FGF14: variants seen among roughly 807,000 people sequenced by gnomAD.
FGF14 encodes fibroblast growth factor 14.
FGF14 carries 5 observed loss-of-function variants against 25.5 expected under a neutral mutation model. The ratio of observed to expected loss-of-function variants is 0.20; its 90% CI spans 0.10 to 0.41. FGF14 has a LOEUF of 0.41. Ranked by LOEUF, FGF14 falls within the 10% of genes least tolerant of loss-of-function variation. The pLI is 1.00. For missense variants in FGF14, 222 were observed against 320.1 expected (o/e 0.69, Z 2.34); for synonymous variants, 138 against 118.3 (o/e 1.17, Z -1.08).
At chr13:101,931,856 A>T (rs530361479) in intron 1 of FGF14, among the ~76,000 whole-genome samples, 4 of 152,298 alleles carry the variant, frequency 2.6e-5, no homozygotes, top group African/African-American at 7.2e-5. Flanking sequence ...CTTCTTCACC[A>T]CATTTCCTAT....
intron 1 of FGF14, among the ~76,000 whole-genome samples, chr13:102,050,235 A>C (rs1252290490): frequency 1.3e-5 from 2 of 152,228 alleles, no homozygotes; most frequent in Non-Finnish European, 2.9e-5. Flanking sequence ...CTGTATCAGG[A>C]CACAGTATAG....
chr13:101,903,446 C>T (rs1191839304), intron 1 of FGF14, among the ~76,000 whole-genome samples: 1 of 152,046 alleles, frequency 6.6e-6, no homozygotes, highest in East Asian at 1.9e-4. Context: ...AATAATGAGA[C>T]TTGTTAAGAT....
rs192113086 is a variant in FGF14, at chr13:102,392,090, A to C, written c.208+9381T>G. Among the ~76,000 whole-genome samples, 38 of 152,372 alleles carry C rather than the reference A, an allele frequency of 2.5e-4. No individual in the cohort carries two copies. In the East Asian group the frequency reaches 6.4e-3, roughly 26 times the overall value. On this transcript the variant is annotated intron_variant, in intron 1 of 4. Coordinates refer to the FGF14 transcript ENST00000376131. ...ACAATCCCTCCCAAGCTACACCTTT[A>C]AGATGCAGCATTACAGATAAGGTTA... is the stretch of plus-strand genomic sequence containing the variant.
chr13:102,229,210 A>C (rs2050965774), intron 1 of FGF14, among the ~76,000 whole-genome samples: 1 of 152,174 alleles, frequency 6.6e-6, no homozygotes, highest in Non-Finnish European at 1.5e-5. Context: ...AGACTCCAAA[A>C]TCTTACATGA....
chr13:102,279,719 A>T (rs1357960068), intron 1 of FGF14, among the ~76,000 whole-genome samples: 2 of 150,564 alleles, frequency 1.3e-5, no homozygotes. Flanking sequence ...AAAGTAAGTT[A>T]AAAAAAAATT....
At chr13:102,362,376 A>T (rs955175244) in intron 1 of FGF14, among the ~76,000 whole-genome samples, 1 of 152,120 alleles carries the variant, frequency 6.6e-6, no homozygotes, top group Non-Finnish European at 1.5e-5. Flanking sequence ...TATCTCCTCT[A>T]TGGACTCTTC....
At chr13:101,983,281 C>G (rs1024534748) in intron 1 of FGF14, among the ~76,000 whole-genome samples, 9 of 152,126 alleles carry the variant, frequency 5.9e-5, no homozygotes, top group Admixed American at 4.6e-4. Flanking sequence ...TAGCATATGG[C>G]TTAATTCTAT....
At chr13:101,935,984 G>A (rs1371605594) in intron 1 of FGF14, among the ~76,000 whole-genome samples, 1 of 152,210 alleles carries the variant, frequency 6.6e-6, no homozygotes, top group African/African-American at 2.4e-5. Flanking sequence ...ACAGGTCAAT[G>A]AAGGGGAAAT....
At chr13:101,824,786 G>A (rs967136911) in intron 3 of FGF14, among the ~76,000 whole-genome samples, 1 of 152,146 alleles carries the variant, frequency 6.6e-6, no homozygotes, top group South Asian at 2.1e-4. Flanking sequence ...TCCAACTGAG[G>A]AGAGGGGCTG....
At chr13:102,082,988 C>A (rs915941823) in intron 1 of FGF14, among the ~76,000 whole-genome samples, 6 of 152,132 alleles carry the variant, frequency 3.9e-5, no homozygotes, top group African/African-American at 1.4e-4. Context: ...ACTTTGGTAA[C>A]TCATTTAATA....
At chr13:101,968,675 A>G (rs1007823183) in intron 1 of FGF14, among the ~76,000 whole-genome samples, 3 of 147,230 alleles carry the variant, frequency 2.0e-5, no homozygotes. Context: ...TCCGTCTCCA[A>G]AAAAAAAAAA....
At chr13:101,729,031 C>T (rs116059046) in intron 3 of FGF14, among the ~76,000 whole-genome samples, 173 of 152,042 alleles carry the variant, frequency 1.1e-3, no homozygotes, top group African/African-American at 4.1e-3. Flanking sequence ...AATTTATTCT[C>T]GGTGGATACC....
At chr13:101,993,459 A>C (rs1262332604) in intron 1 of FGF14, among the ~76,000 whole-genome samples, 1 of 151,998 alleles carries the variant, frequency 6.6e-6, no homozygotes, top group Non-Finnish European at 1.5e-5. Context: ...CTTTTTTTGT[A>C]CTTTAACAGA....
chr13:102,071,235 G>A (rs2043141571), intron 1 of FGF14, among the ~76,000 whole-genome samples: 1 of 152,228 alleles, frequency 6.6e-6, no homozygotes, highest in South Asian at 2.1e-4. Flanking sequence ...ACAAGGCAGA[G>A]AGAACCAGAT....
rs76593586 is a variant in FGF14 at position 102,193,900 on chromosome 13, A to T, written c.208+207571T>A. Among the ~76,000 whole-genome samples the T allele has an allele frequency of 4.5e-3, 683 of 152,044 alleles. 11 individuals carry two copies. The highest frequency in any genetic ancestry group is 0.016 in the African/African-American group (646 of 41,494). On this transcript the variant is annotated intron_variant, in intron 1 of 4. Coordinates refer to the FGF14 transcript ENST00000376131. ...AACAAGGGGATAAAATCAGTCATGA[A>T]TTTTTTTATTATAATTTTTGTCCCT... is the stretch of plus-strand genomic sequence containing the variant.
intron 1 of FGF14, among the ~76,000 whole-genome samples, chr13:102,363,957 T>C (rs992665668): frequency 6.6e-6 from 1 of 152,236 alleles, no homozygotes; most frequent in African/African-American, 2.4e-5. Context: ...TTTTGTTGCA[T>C]TTGAATATCT....
intron 1 of FGF14, among the ~76,000 whole-genome samples, chr13:102,105,120 T>C (rs1047939548): frequency 6.6e-6 from 1 of 152,158 alleles, no homozygotes; most frequent in African/African-American, 2.4e-5. Context: ...GGACATTTAC[T>C]AAAAAACAGA....
At chr13:101,828,554 G>T (rs1461981793) in intron 3 of FGF14, among the ~76,000 whole-genome samples, 1 of 151,196 alleles carries the variant, frequency 6.6e-6, no homozygotes, top group South Asian at 2.1e-4. Context: ...TCATGATGAA[G>T]TTTCCAAATT....
rs369210107 is a variant in FGF14 at position 101,794,568 on chromosome 13, T to A, written c.409-67758A>T. Among the ~76,000 whole-genome samples the A allele has an allele frequency of 4.6e-5, 7 of 152,068 alleles. No individual in the cohort carries two copies. The East Asian group carries it at 1.3e-3, about 29-fold the overall frequency. On this transcript the variant is annotated intron_variant, in intron 3 of 4. Transcript: ENST00000376143. ...TTAGCAGCAGTTCACAGCTTGAAAT[T>A]TTTTTCCTGTTTCTCATCTTTGAGT...
Sources: gnomAD v4.1 joint callset for allele counts (sites outside exome capture counted in the v4.1 genomes callset) on GRCh38, gnomAD v4.1.1 for gene constraint, MANE v1.5 for transcripts, NCBI Gene and HGNC (gene_info 2026-07-23, HGNC 2026-07-21) for gene names.